HDHD2: variants seen among roughly 807,000 people sequenced by gnomAD.
The protein encoded by HDHD2 is haloacid dehalogenase-like hydrolase domain-containing protein 2.
In HDHD2, 26 loss-of-function variants were observed where a neutral mutation model predicts 24.8. The observed-to-expected ratio is 1.05, with a 90% CI of 0.77 to 1.45. The LOEUF (loss-of-function observed/expected upper bound fraction) is 1.45, where lower values mean the gene tolerates loss of function less well. Among genes scored for constraint, HDHD2 ranks in the 40% most tolerant of loss-of-function variants. The probability of loss-of-function intolerance (pLI) is 0.00; values close to 1 mark genes in which losing one functional copy is unlikely to be tolerated. For missense variants in HDHD2, 299 were observed against 313.4 expected (o/e 0.95, Z 0.35); for synonymous variants, 128 against 114.9 (o/e 1.11, Z -0.73).
intron 1 of HDHD2, among the ~76,000 whole-genome samples, chr18:47,148,237 C>G (rs560431362): frequency 6.6e-6 from 1 of 152,106 alleles, no homozygotes; most frequent in Non-Finnish European, 1.5e-5. Flanking sequence ...GTGATCCATC[C>G]GCCTTGGGCT....
intron 1 of HDHD2, among the ~76,000 whole-genome samples, chr18:47,147,610 G>C (rs2063884963): frequency 6.6e-6 from 1 of 152,150 alleles, no homozygotes; most frequent in Admixed American, 6.5e-5. Context: ...TACCTCTGAA[G>C]GTGATTAAAG....
intron 1 of HDHD2, chr18:47,148,980 T>C (rs1191450506): frequency 6.6e-6 from 1 of 152,236 alleles, no homozygotes; most frequent in African/African-American, 2.4e-5. Flanking sequence ...TGCCTCAGTT[T>C]CTTCATTGCT....
At chr18:47,146,134 A>G (rs1207419015) in intron 1 of HDHD2, among the ~76,000 whole-genome samples, 1 of 151,538 alleles carries the variant, frequency 6.6e-6, no homozygotes, top group African/African-American at 2.4e-5. Flanking sequence ...GAGGCTGAGG[A>G]AGGAGAATCG....
chr18:47,110,891 T>C (rs1303752552), intron 6 of HDHD2: 1 of 984,578 alleles, frequency 1.0e-6, no homozygotes, highest in Non-Finnish European at 1.2e-6. Flanking sequence ...TTGATCAAAT[T>C]ATATTGAGCA....
intron 6 of HDHD2, chr18:47,110,635 T>C (rs2063508403): frequency 2.0e-6 from 2 of 984,546 alleles, no homozygotes; most frequent in South Asian, 9.4e-5. Flanking sequence ...TTCTAGCACC[T>C]AGCACACAGC....
chr18:47,109,673 T>C (rs1012472100), intron 6 of HDHD2: 1 of 152,312 alleles, frequency 6.6e-6, no homozygotes, highest in Non-Finnish European at 1.5e-5. Context: ...CATTCCCTTG[T>C]CATTCCATTA....
In HDHD2 at chr18:47,149,766, G is replaced by T. The variant is rs189193311; in HGVS notation, c.-11+612C>A. On this transcript the variant is annotated intron_variant, in intron 1 of 6. Transcript: ENST00000300605. ...AGAGTTAGGCTAGGAGCCACCTGTG[G>T]TCCTACTACATTTACCACTGTCCTG... Among the ~76,000 whole-genome samples, 537 of 152,150 alleles carry T rather than the reference G, an allele frequency of 3.5e-3. 1 individual carries two copies. Among genetic ancestry groups the T allele is most frequent in the African/African-American group, 0.013 (519 of 41,514 alleles).
chr18:47,138,662 A>G (rs2063790725), intron 1 of HDHD2, among the ~76,000 whole-genome samples: 1 of 152,246 alleles, frequency 6.6e-6, no homozygotes, highest in South Asian at 2.1e-4. Context: ...TGTGATATAT[A>G]AATATACAAA....
intron 1 of HDHD2, among the ~76,000 whole-genome samples, chr18:47,148,455 C>T (rs1368051605): frequency 6.6e-6 from 1 of 152,214 alleles, no homozygotes; most frequent in Non-Finnish European, 1.5e-5. Flanking sequence ...GAACAAATTA[C>T]ATGGGACACC....
At chr18:47,124,869 C>A (rs1471474218) in intron 4 of HDHD2, among the ~76,000 whole-genome samples, 1 of 151,594 alleles carries the variant, frequency 6.6e-6, no homozygotes, top group Non-Finnish European at 1.5e-5. Context: ...CAGAGAAATA[C>A]AAATTGAAAC....
intron 4 of HDHD2, among the ~76,000 whole-genome samples, chr18:47,123,931 T>C (rs1257259291): frequency 6.6e-6 from 1 of 152,170 alleles, no homozygotes; most frequent in African/African-American, 2.4e-5. Context: ...ATAATAAAGT[T>C]GGAGGATGTA....
chr18:47,136,730 A>G (rs2063770260), intron 1 of HDHD2, among the ~76,000 whole-genome samples: 1 of 152,080 alleles, frequency 6.6e-6, no homozygotes, highest in African/African-American at 2.4e-5. Flanking sequence ...TCAGGTTTTT[A>G]AAAAGAACTC....
chr18:47,130,186 A>C, intron 4 of HDHD2, 58 bp downstream of exon 4: 1 of 1,095,428 alleles, frequency 9.1e-7, no homozygotes, highest in Non-Finnish European at 1.4e-6. Context: ...GACAATGACA[A>C]AAGGAAAGGA....
At chr18:47,144,484 A>C (rs2063849021) in intron 1 of HDHD2, among the ~76,000 whole-genome samples, 1 of 152,180 alleles carries the variant, frequency 6.6e-6, no homozygotes, top group Admixed American at 6.5e-5. Context: ...GCTGGACCCA[A>C]TTTGCAGACC....
intron 3 of HDHD2, among the ~76,000 whole-genome samples, chr18:47,133,947 G>C (rs1233202639): frequency 6.6e-6 from 1 of 152,186 alleles, no homozygotes; most frequent in Non-Finnish European, 1.5e-5. Context: ...TCTGATGGTA[G>C]TTTCTTTTGC....
intron 1 of HDHD2, among the ~76,000 whole-genome samples, chr18:47,138,150 C>T (rs531046658): frequency 4.7e-5 from 5 of 106,836 alleles, no homozygotes; most frequent in Non-Finnish European, 8.5e-5. Flanking sequence ...CCAGCCTGGG[C>T]GATAGTGTGA....
intron 4 of HDHD2, among the ~76,000 whole-genome samples, chr18:47,119,890 GAAC>G (rs1206163162): frequency 2.6e-5 from 4 of 152,222 alleles, no homozygotes; most frequent in East Asian, 1.9e-4. Context: ...ACAGGCATGA[GAAC>G]AACATTGATC....
chr18:47,148,338 A>G (rs1316625186), intron 1 of HDHD2, among the ~76,000 whole-genome samples: 1 of 152,200 alleles, frequency 6.6e-6, no homozygotes, highest in Non-Finnish European at 1.5e-5. Context: ...GGTATTTGAT[A>G]AAATGTAATT....
At chr18:47,146,822 G>A (rs1179204061) in intron 1 of HDHD2, among the ~76,000 whole-genome samples, 3 of 152,112 alleles carry the variant, frequency 2.0e-5, no homozygotes, top group Non-Finnish European at 2.9e-5. Context: ...AGAGAAGCAA[G>A]GGAATGATTA....
Sources: gnomAD v4.1 joint callset for allele counts (sites outside exome capture counted in the v4.1 genomes callset) on GRCh38, gnomAD v4.1.1 for gene constraint, MANE v1.5 for transcripts, NCBI Gene and HGNC (gene_info 2026-07-23, HGNC 2026-07-21) for gene names.